The following LRMDA variants were observed in gnomAD, a reference collection of about 807,000 sequenced individuals.
The protein encoded by LRMDA is leucine rich melanocyte differentiation associated, also known as leucine-rich melanocyte differentiation-associated protein.
LRMDA carries 18 observed loss-of-function variants against 29.8 expected under a neutral mutation model. That is an observed-to-expected ratio of 0.60 (90% confidence interval 0.42 to 0.90). LRMDA has a LOEUF of 0.90. Among genes scored for constraint, LRMDA ranks in the 40% least tolerant of loss-of-function variants. The pLI is 0.00. For synonymous variants in LRMDA, 125 were observed against 109.4 expected, an observed-to-expected ratio of 1.14 and a Z score of -0.89; for missense variants, 273 against 273.9, an observed-to-expected ratio of 1.00 and a Z score of 0.02.
chr10:76,165,022 G>A (rs1850714193), intron 5 of LRMDA, among the ~76,000 whole-genome samples: 1 of 152,214 alleles, frequency 6.6e-6, no homozygotes, highest in Non-Finnish European at 1.5e-5. Flanking sequence ...CCCCAGGCTA[G>A]AGTGCAATGG....
intron 5 of LRMDA, among the ~76,000 whole-genome samples, chr10:76,178,802 C>G (rs538760011): frequency 6.6e-6 from 1 of 152,218 alleles, no homozygotes; most frequent in South Asian, 2.1e-4. Context: ...GCAGCTTGTT[C>G]CTTGAGGCTT....
intron 5 of LRMDA, among the ~76,000 whole-genome samples, chr10:76,103,709 C>T (rs1849433041): frequency 6.6e-6 from 1 of 152,160 alleles, no homozygotes; most frequent in South Asian, 2.1e-4. Context: ...TGTTTTCTAT[C>T]AGAGTTTGGG....
At chr10:76,235,042 C>A (rs750509679) in intron 5 of LRMDA, among the ~76,000 whole-genome samples, 3 of 152,212 alleles carry the variant, frequency 2.0e-5, no homozygotes, top group Non-Finnish European at 4.4e-5. Context: ...TTTTGAAATG[C>A]CTTCCTCACT....
At chr10:75,919,026 T>C (rs1845982252) in intron 2 of LRMDA, among the ~76,000 whole-genome samples, 1 of 152,220 alleles carries the variant, frequency 6.6e-6, no homozygotes, top group Non-Finnish European at 1.5e-5. Flanking sequence ...TTGTGGGCTT[T>C]ACGTATCTTA....
intron 2 of LRMDA, among the ~76,000 whole-genome samples, chr10:75,967,749 T>C (rs1333352369): frequency 6.9e-6 from 1 of 144,844 alleles, no homozygotes; most frequent in Non-Finnish European, 1.5e-5. Flanking sequence ...GACACAGAGC[T>C]GGGAGAGGAG....
At chr10:76,538,596 C>A (rs193157271) in intron 6 of LRMDA, among the ~76,000 whole-genome samples, 1 of 149,446 alleles carries the variant, frequency 6.7e-6, no homozygotes, top group Admixed American at 6.7e-5. Flanking sequence ...TCCTGGGAAT[C>A]ACTCTATATT....
At chr10:75,842,580 A>G (rs1323191089) in intron 2 of LRMDA, among the ~76,000 whole-genome samples, 1 of 152,228 alleles carries the variant, frequency 6.6e-6, no homozygotes, top group East Asian at 1.9e-4. Context: ...TAAATGAAAT[A>G]AAAGAGAATT....
intron 5 of LRMDA, among the ~76,000 whole-genome samples, chr10:76,224,048 T>C (rs542840605): frequency 4.6e-4 from 70 of 152,292 alleles, no homozygotes; most frequent in African/African-American, 1.6e-3. Context: ...GGTTGGGAAG[T>C]TGTGGCTGTG....
chr10:76,009,188 A>G (rs1443183665), intron 2 of LRMDA, among the ~76,000 whole-genome samples: 1 of 152,072 alleles, frequency 6.6e-6, no homozygotes, highest in East Asian at 1.9e-4. Flanking sequence ...TCAGAGCTAA[A>G]AACACCCCTT....
At chr10:76,209,088 A>G (rs1431089915) in intron 5 of LRMDA, among the ~76,000 whole-genome samples, 1 of 152,138 alleles carries the variant, frequency 6.6e-6, no homozygotes, top group African/African-American at 2.4e-5. Flanking sequence ...CAGGAGGCAG[A>G]GGCTACAGTG....
chr10:75,567,360 C>A (rs1840386731), intron 2 of LRMDA, among the ~76,000 whole-genome samples: 1 of 152,188 alleles, frequency 6.6e-6, no homozygotes. Context: ...TCTGTGGCAT[C>A]CCCCTACTAA....
intron 5 of LRMDA, among the ~76,000 whole-genome samples, chr10:76,126,870 A>C (rs1849893149): frequency 6.6e-6 from 1 of 152,218 alleles, no homozygotes; most frequent in Non-Finnish European, 1.5e-5. Flanking sequence ...GGCTCTCAGC[A>C]TTCTTCCTGA....
At chr10:75,758,856 T>C (rs1196999796) in intron 2 of LRMDA, among the ~76,000 whole-genome samples, 1 of 152,238 alleles carries the variant, frequency 6.6e-6, no homozygotes, top group African/African-American at 2.4e-5. Flanking sequence ...CTGGTTATTA[T>C]CTGGGTAGAG....
intron 2 of LRMDA, among the ~76,000 whole-genome samples, chr10:75,654,068 C>G (rs944336892): frequency 2.1e-5 from 3 of 143,922 alleles, no homozygotes; most frequent in African/African-American, 8.9e-5. Flanking sequence ...AGGCACTGCC[C>G]CTAATGTGTT....
intron 5 of LRMDA, among the ~76,000 whole-genome samples, chr10:76,229,526 A>G (rs1290331634): frequency 6.6e-6 from 1 of 152,168 alleles, no homozygotes; most frequent in Non-Finnish European, 1.5e-5. Flanking sequence ...ATGCAAGACA[A>G]TTGCATTCCT....
chr10:76,007,773 A>T (rs1213999454), intron 2 of LRMDA, among the ~76,000 whole-genome samples: 2 of 152,110 alleles, frequency 1.3e-5, no homozygotes, highest in Admixed American at 6.5e-5. Flanking sequence ...CTTCCAAAGG[A>T]TTTATCGTCA....
intron 2 of LRMDA, among the ~76,000 whole-genome samples, chr10:75,542,012 G>C (rs1840023496): frequency 6.6e-6 from 1 of 152,052 alleles, no homozygotes; most frequent in Non-Finnish European, 1.5e-5. Context: ...GTTGCAGCTG[G>C]GCATTTAATC....
In LRMDA at chr10:76,387,742, T is replaced by C. The variant is rs1229520979; in HGVS notation, c.601+63257T>C. Among the ~76,000 whole-genome samples, 9 of 152,304 alleles carry C rather than the reference T, an allele frequency of 5.9e-5. No homozygotes were observed. In the East Asian group the frequency reaches 1.7e-3, roughly 29 times the overall value. On this transcript the variant is annotated intron_variant, in intron 6 of 6. Coordinates refer to ENST00000611255, the MANE Select transcript of LRMDA (RefSeq NM_001305581.2). ...AAAGGAATAAAGAATGGTTATTCCA[T>C]AGGCAGAGCACAAAAATAAGTTTTA...
In LRMDA at chr10:75,918,187, A is replaced by G. The variant is rs567427295; in HGVS notation, c.132-117821A>G. On this transcript the variant is annotated intron_variant, in intron 2 of 6. Transcript: ENST00000611255. The stretch of plus-strand genomic sequence containing the variant: ...GGGTCGAGCAAGTAGAAAATCTGGG[A>G]TTCAAACCCAGACAGTCTAGCCGTA... Among the ~76,000 whole-genome samples the G allele has an allele frequency of 2.0e-5, 3 of 152,316 alleles. No individual in the cohort carries two copies. The East Asian group carries it at 5.8e-4, about 29-fold the overall frequency.
Sources: gnomAD v4.1 joint callset for allele counts (sites outside exome capture counted in the v4.1 genomes callset) on GRCh38, gnomAD v4.1.1 for gene constraint, MANE v1.5 for transcripts, NCBI Gene and HGNC (gene_info 2026-07-23, HGNC 2026-07-21) for gene names.